The following CAMKMT variants were observed in gnomAD, a reference collection of about 807,000 sequenced individuals.
CAMKMT encodes CaM KMT.
In CAMKMT, 53 loss-of-function variants were observed where a neutral mutation model predicts 48.0. That is an observed-to-expected ratio of 1.10 (90% CI 0.89 to 1.39). CAMKMT has a LOEUF of 1.39. CAMKMT is among the 40% of genes most tolerant of loss of function. The pLI, the probability that CAMKMT is intolerant of heterozygous loss-of-function variation, is 0.00. For missense variants in CAMKMT, 428 were observed against 402.7 expected (o/e 1.06, Z -0.54); for synonymous variants, 165 against 152.3 (o/e 1.08, Z -0.61).
intron 3 of CAMKMT, among the ~76,000 whole-genome samples, chr2:44,476,493 A>G (rs1173822130): frequency 6.6e-6 from 1 of 152,102 alleles, no homozygotes; most frequent in African/African-American, 2.4e-5. Context: ...GTGTGATGAT[A>G]TTAACATATA....
At chr2:44,719,831 G>T (rs147519071) in intron 7 of CAMKMT, among the ~76,000 whole-genome samples, 50 of 152,272 alleles carry the variant, frequency 3.3e-4, no homozygotes, top group African/African-American at 1.1e-3. Context: ...GGTTGAAGAG[G>T]AAGGTTAGTA....
chr2:44,757,868 G>A lies in CAMKMT; in HGVS notation c.762+3750G>A, dbSNP rs555360295. Among the ~76,000 whole-genome samples, 20 of 152,266 alleles carry A rather than the reference G, an allele frequency of 1.3e-4. No homozygotes were observed. The East Asian group carries it at 2.7e-3, about 21-fold the overall frequency. On this transcript the variant is annotated intron_variant, in intron 9 of 10. Transcript: ENST00000378494. ...ATTACAGGCATGAGCCACCACGCTC[G>A]GCCTTATGGGGGCCTTTTTCCAAGC...
At chr2:44,581,588 T>C (rs1459953576) in intron 3 of CAMKMT, among the ~76,000 whole-genome samples, 2 of 152,234 alleles carry the variant, frequency 1.3e-5, no homozygotes, top group South Asian at 2.1e-4. Flanking sequence ...CTATTTGAGC[T>C]ATTAAATAAT....
intron 3 of CAMKMT, among the ~76,000 whole-genome samples, chr2:44,410,247 A>ATTT (rs1164693728): frequency 1.1e-3 from 21 of 19,482 alleles, no homozygotes; most frequent in East Asian, 2.6e-3. Context: ...ATATATATAT[A>ATTT]TTTTTTTTTT....
intron 3 of CAMKMT, among the ~76,000 whole-genome samples, chr2:44,426,552 G>A (rs1684287584): frequency 6.6e-6 from 1 of 152,096 alleles, no homozygotes; most frequent in Admixed American, 6.6e-5. Context: ...TAACATTCAA[G>A]CTGAGAACCA....
In CAMKMT at chr2:44,766,491, C is replaced by G; in HGVS notation, c.824C>G (p.Ala275Gly). Residue 275 changes from alanine (A) to glycine (G), a missense_variant, in exon 10 of 11, where the codon GCT becomes GGT. Coordinates refer to ENST00000378494, the MANE Select transcript of CAMKMT (RefSeq NM_024766.5). ...GNTLNQFCNL[A>G]EKAGFCIQRH... ...ACTTTAAACCAGTTTTGCAATCTAG[C>G]TGAAAAAGCTGGTTTCTGTATCCAA... 1 of 1,614,092 alleles carries G rather than the reference C, an allele frequency of 6.2e-7. No individual in the cohort carries two copies. The highest frequency in any genetic ancestry group is 8.5e-7 in the Non-Finnish European group (1 of 1,179,968).
chr2:44,630,724 A>T (rs1032515380), intron 3 of CAMKMT, among the ~76,000 whole-genome samples: 5 of 150,612 alleles, frequency 3.3e-5, no homozygotes, highest in Admixed American at 3.3e-4. Flanking sequence ...TTAGAATGGC[A>T]ATCATTAAAA....
intron 3 of CAMKMT, among the ~76,000 whole-genome samples, chr2:44,496,921 C>T (rs1401435485): frequency 6.6e-6 from 1 of 152,154 alleles, no homozygotes; most frequent in Non-Finnish European, 1.5e-5. Context: ...TCATTTGTTG[C>T]ATTTTTAGTG....
At chr2:44,764,768 G>C (rs1680768232) in intron 9 of CAMKMT, among the ~76,000 whole-genome samples, 1 of 152,192 alleles carries the variant, frequency 6.6e-6, no homozygotes, top group Admixed American at 6.5e-5. Context: ...GGGGATTAAA[G>C]GAGGATTTGT....
intron 3 of CAMKMT, among the ~76,000 whole-genome samples, chr2:44,564,426 C>G (rs1360240143): frequency 6.6e-6 from 1 of 152,130 alleles, no homozygotes; most frequent in African/African-American, 2.4e-5. Context: ...CCACCTGCCT[C>G]GGCCTCCCAA....
intron 3 of CAMKMT, among the ~76,000 whole-genome samples, chr2:44,649,522 C>T (rs778500846): frequency 7.9e-5 from 12 of 152,020 alleles, no homozygotes; most frequent in Non-Finnish European, 1.0e-4. Context: ...AAGGGAGAAA[C>T]GTCTGAACTG....
chr2:44,454,062 A>G (rs1324938834), intron 3 of CAMKMT, among the ~76,000 whole-genome samples: 1 of 152,118 alleles, frequency 6.6e-6, no homozygotes, highest in African/African-American at 2.4e-5. Flanking sequence ...AAGAATAAGG[A>G]GACGGTAACA....
At chr2:44,446,301 C>G (rs1666994319) in intron 3 of CAMKMT, among the ~76,000 whole-genome samples, 1 of 151,984 alleles carries the variant, frequency 6.6e-6, no homozygotes, top group Middle Eastern at 3.2e-3. Flanking sequence ...GTTGATTATT[C>G]ACTCTCAGAG....
At chr2:44,442,067 A>G (rs1332156586) in intron 3 of CAMKMT, among the ~76,000 whole-genome samples, 4 of 152,216 alleles carry the variant, frequency 2.6e-5, no homozygotes, top group Non-Finnish European at 5.9e-5. Context: ...CTCCCTTGCT[A>G]CTAAACAGAT....
intron 3 of CAMKMT, among the ~76,000 whole-genome samples, chr2:44,643,874 T>A (rs887363577): frequency 6.6e-6 from 1 of 152,154 alleles, no homozygotes; most frequent in African/African-American, 2.4e-5. Flanking sequence ...ATGATTGATA[T>A]TAATACATTA....
intron 3 of CAMKMT, among the ~76,000 whole-genome samples, chr2:44,609,124 C>G (rs1375423362): frequency 6.6e-6 from 1 of 152,196 alleles, no homozygotes; most frequent in Non-Finnish European, 1.5e-5. Context: ...AAGACATATA[C>G]TGTAGCTCGT....
At chr2:44,765,597 G>A (rs764156621) in intron 9 of CAMKMT, among the ~76,000 whole-genome samples, 1 of 151,352 alleles carries the variant, frequency 6.6e-6, no homozygotes, top group Non-Finnish European at 1.5e-5. Flanking sequence ...GGAAAAATCC[G>A]CATGCATCCA....
rs142882775 is a variant in CAMKMT at position 44,684,379 on chromosome 2, G to A, written c.377-19904G>A. On this transcript the variant is annotated intron_variant, in intron 3 of 10. Coordinates refer to ENST00000378494, the MANE Select transcript of CAMKMT (RefSeq NM_024766.5). Reference sequence around the variant, plus strand: ...GGTGTCAAGTTCAGAGCAAGAGTTCGGTTTAAATAGTGTATTTTGAAAACC... The same window carrying A: ...GGTGTCAAGTTCAGAGCAAGAGTTCAGTTTAAATAGTGTATTTTGAAAACC... 4.3e-3 allele frequency among the ~76,000 whole-genome samples: 656 copies of A among 152,162 alleles called. 2 individuals are homozygous for A. Among genetic ancestry groups the A allele is most frequent in the Non-Finnish European group, 7.9e-3 (538 of 68,004 alleles).
rs1354998376 is a variant in CAMKMT at position 44,722,169 on chromosome 2, CTTTTTTCT to C, written c.623+6823_623+6830del. 1.0e-4 allele frequency among the ~76,000 whole-genome samples: 8 copies of C among 77,952 alleles called. No homozygotes were observed. The East Asian group carries it at 1.4e-3, about 13-fold the overall frequency. 51.1% of individuals were successfully genotyped at this position (77,952 alleles called of 152,430 possible). A position where few individuals can be genotyped will look rare whatever the true frequency, so the allele number is the denominator to read the frequency against. ...TGGACATTTGAGATGTTTCCTTTTT[CTTTTTTCT>C]TTTTTTTTTTTTTTTTCTATTCTGG... is the stretch of plus-strand genomic sequence containing the variant. On this transcript the variant is annotated intron_variant, in intron 7 of 10. Transcript: ENST00000378494.
Sources: allele counts gnomAD v4.1 joint callset (sites outside exome capture counted in the v4.1 genomes callset), GRCh38; gene constraint gnomAD v4.1.1; transcripts MANE v1.5; gene names NCBI Gene and HGNC (gene_info 2026-07-23, HGNC 2026-07-21).